The following CCBE1 variants were observed in gnomAD, a reference collection of about 807,000 sequenced individuals.
CCBE1 encodes the protein collagen and calcium binding EGF domains 1.
A neutral mutation model predicts 50.0 loss-of-function variants in CCBE1; 37 were observed. That is an observed-to-expected ratio of 0.74 (90% CI 0.57 to 0.97). The LOEUF is 0.97. Ranked by LOEUF, CCBE1 falls within the 50% of genes least tolerant of loss-of-function variation. The pLI is 0.00. For missense variants in CCBE1, 538 were observed against 523.8 expected (o/e 1.03, Z -0.26); for synonymous variants, 234 against 203.7 (o/e 1.15, Z -1.27).
chr18:59,531,348 G>C (rs897461107), intron 2 of CCBE1, among the ~76,000 whole-genome samples: 5 of 151,984 alleles, frequency 3.3e-5, no homozygotes, highest in African/African-American at 1.2e-4. Flanking sequence ...AACCACATGT[G>C]ATCTTTTTTT....
At chr18:59,570,537 G>A (rs137939896) in intron 2 of CCBE1, among the ~76,000 whole-genome samples, 1 of 152,164 alleles carries the variant, frequency 6.6e-6, no homozygotes, top group Non-Finnish European at 1.5e-5. Flanking sequence ...TGGATTTGAC[G>A]TAAGCTCCAG....
chr18:59,480,028 T>A (rs921047259), intron 3 of CCBE1, among the ~76,000 whole-genome samples, 158 bp downstream of exon 3: 1 of 152,180 alleles, frequency 6.6e-6, no homozygotes, highest in East Asian at 1.9e-4. Flanking sequence ...TATAACAAAA[T>A]TGGCGTCAGA....
intron 2 of CCBE1, among the ~76,000 whole-genome samples, chr18:59,545,687 G>T (rs972452230): frequency 6.6e-6 from 1 of 152,200 alleles, no homozygotes; most frequent in Non-Finnish European, 1.5e-5. Context: ...TGTTGTGGGA[G>T]GGACCCAGTG....
At chr18:59,578,748 T>A (rs1599030151) in intron 2 of CCBE1, among the ~76,000 whole-genome samples, 1 of 152,066 alleles carries the variant, frequency 6.6e-6, no homozygotes, top group Non-Finnish European at 1.5e-5. Context: ...AGTTGAACAA[T>A]GAGAACACAT....
intron 2 of CCBE1, among the ~76,000 whole-genome samples, chr18:59,569,071 T>C (rs898159473): frequency 1.3e-5 from 2 of 152,222 alleles, no homozygotes; most frequent in Admixed American, 6.5e-5. Flanking sequence ...CATCTCGGGT[T>C]ATCTCCAAAC....
chr18:59,554,041 T>A (rs1916022919), intron 2 of CCBE1, among the ~76,000 whole-genome samples: 1 of 152,204 alleles, frequency 6.6e-6, no homozygotes, highest in South Asian at 2.1e-4. Context: ...CTCACTCTGT[T>A]GTCTAGGCTG....
At chr18:59,463,908 G>A (rs1186332750) in intron 5 of CCBE1, 1 of 152,212 alleles carries the variant, frequency 6.6e-6, no homozygotes, top group African/African-American at 2.4e-5. Flanking sequence ...CTGGCTCAGA[G>A]CATAGCTGAA....
intron 2 of CCBE1, among the ~76,000 whole-genome samples, chr18:59,514,052 T>TATACA (rs1318787904): frequency 6.6e-6 from 1 of 152,190 alleles, no homozygotes; most frequent in Admixed American, 6.5e-5. Context: ...GGCTTTACTA[T>TATACA]CCTTTCCAAT....
chr18:59,604,975 G>A (rs946372539), intron 2 of CCBE1, among the ~76,000 whole-genome samples: 7 of 152,218 alleles, frequency 4.6e-5, no homozygotes, highest in Non-Finnish European at 7.3e-5. Context: ...AACTGGAGAC[G>A]GGAGCTCAGT....
intron 2 of CCBE1, among the ~76,000 whole-genome samples, chr18:59,657,268 C>T (rs1472108584): frequency 1.3e-5 from 2 of 152,212 alleles, no homozygotes; most frequent in Non-Finnish European, 2.9e-5. Context: ...AGCTTCAAGG[C>T]ATGCCCAGGA....
chr18:59,599,256 C>T (rs780424060), intron 2 of CCBE1, among the ~76,000 whole-genome samples: 42 of 152,236 alleles, frequency 2.8e-4, no homozygotes, highest in Non-Finnish European at 4.7e-4. Flanking sequence ...TTATAAATAT[C>T]TATAAATTAT....
In CCBE1 at chr18:59,543,564, G is replaced by A. The variant is rs375309264; in HGVS notation, c.213-63326C>T. 7.0e-4 allele frequency among the ~76,000 whole-genome samples: 106 copies of A among 152,242 alleles called. 1 individual carries two copies. The highest frequency in any genetic ancestry group is 3.7e-3 in the Admixed American group (56 of 15,306). ...CGAGAGGCCCCGAGAGGCCGGGCGC[G>A]GTGGCTCACGTCTGAAATCCCAGCA... On this transcript the variant is annotated intron_variant, in intron 2 of 10. Coordinates refer to ENST00000439986, the MANE Select transcript of CCBE1 (RefSeq NM_133459.4).
At chr18:59,503,697 T>C (rs1469271939) in intron 2 of CCBE1, among the ~76,000 whole-genome samples, 1 of 152,230 alleles carries the variant, frequency 6.6e-6, no homozygotes, top group Admixed American at 6.5e-5. Flanking sequence ...AAAATATATA[T>C]GTATTTTCTA....
chr18:59,674,495 G>A (rs1444542862), intron 2 of CCBE1, among the ~76,000 whole-genome samples: 1 of 152,148 alleles, frequency 6.6e-6, no homozygotes, highest in Non-Finnish European at 1.5e-5. Flanking sequence ...GAGAGGGACA[G>A]CATTAGGAAA....
chr18:59,629,222 T>A (rs191077541), intron 2 of CCBE1, among the ~76,000 whole-genome samples: 23 of 152,302 alleles, frequency 1.5e-4, no homozygotes, highest in African/African-American at 5.3e-4. Flanking sequence ...CTAAAGGCCA[T>A]TGCACTGCTA....
chr18:59,571,359 C>G (rs1250029164), intron 2 of CCBE1, among the ~76,000 whole-genome samples: 6 of 151,822 alleles, frequency 4.0e-5, no homozygotes, highest in Non-Finnish European at 8.8e-5. Context: ...CCATCATTCT[C>G]AGCACACTAT....
intron 2 of CCBE1, among the ~76,000 whole-genome samples, chr18:59,491,625 G>T (rs1053066558): frequency 6.6e-6 from 1 of 152,118 alleles, no homozygotes; most frequent in African/African-American, 2.4e-5. Flanking sequence ...ACCTGCCTGG[G>T]CAACATGGCA....
intron 3 of CCBE1, among the ~76,000 whole-genome samples, chr18:59,477,781 T>G (rs1472244870): frequency 1.3e-5 from 2 of 152,204 alleles, no homozygotes; most frequent in Admixed American, 1.3e-4. Context: ...GCAGCATAGT[T>G]GCAGCATGTC....
At chr18:59,450,524 C>T (rs1323393420) in intron 6 of CCBE1, among the ~76,000 whole-genome samples, 1 of 152,002 alleles carries the variant, frequency 6.6e-6, no homozygotes, top group Non-Finnish European at 1.5e-5. Flanking sequence ...CAAGCGGCAA[C>T]CTACAGTCAC....
Sources: gnomAD v4.1 joint callset for allele counts (sites outside exome capture counted in the v4.1 genomes callset) on GRCh38, gnomAD v4.1.1 for gene constraint, MANE v1.5 for transcripts, NCBI Gene and HGNC (gene_info 2026-07-23, HGNC 2026-07-21) for gene names.